Variants in GRM7 observed in about 807,000 individuals in gnomAD.
GRM7 encodes glutamate metabotropic receptor 7, also known as metabotropic glutamate receptor 7.
Under a neutral mutation model 84.5 loss-of-function variants are expected in GRM7, and 35 were observed. That is an observed-to-expected ratio of 0.41 (90% CI 0.32 to 0.55). The LOEUF (loss-of-function observed/expected upper bound fraction) is 0.55, where lower values mean the gene tolerates loss of function less well. GRM7 is among the 20% of genes least tolerant of loss of function. The pLI is 0.19. For synonymous variants in GRM7, 487 were observed against 455.1 expected (o/e 1.07, Z -0.89); for missense variants, 1,003 against 1,194.6 (o/e 0.84, Z 2.36).
intron 9 of GRM7, among the ~76,000 whole-genome samples, chr3:7,724,872 C>T (rs1248232697): frequency 1.3e-5 from 2 of 152,244 alleles, no homozygotes; most frequent in South Asian, 2.1e-4. Context: ...ACTCGATCCT[C>T]CTGCCTCAGC....
chr3:7,424,474 C>T (rs977062929), intron 5 of GRM7, among the ~76,000 whole-genome samples: 5 of 152,078 alleles, frequency 3.3e-5, no homozygotes, highest in African/African-American at 1.2e-4. Flanking sequence ...TCTAGTTGAT[C>T]CCCATATCAG....
intron 1 of GRM7, among the ~76,000 whole-genome samples, chr3:6,988,550 A>G (rs1559369714): frequency 6.6e-6 from 1 of 152,188 alleles, no homozygotes; most frequent in African/African-American, 2.4e-5. Context: ...TGTGAGTATC[A>G]GTGCTTCTCA....
rs145236947 is a variant in GRM7 at position 7,444,849 on chromosome 3, G to C, written c.1175-7758G>C. Among the ~76,000 whole-genome samples the C allele has an allele frequency of 8.1e-4, 123 of 152,292 alleles. 1 individual carries two copies. Among genetic ancestry groups the C allele is most frequent in the African/African-American group, 2.9e-3 (121 of 41,566 alleles). On this transcript the variant is annotated intron_variant, in intron 5 of 9. Coordinates refer to ENST00000357716, the MANE Select transcript of GRM7 (RefSeq NM_000844.4). ...AAGCATCCTAGTTGAAAAATGCTTA[G>C]AAATAATGGGTTTTGGCTAGACAGT...
intron 1 of GRM7, among the ~76,000 whole-genome samples, chr3:6,989,652 A>G (rs1215088127): frequency 6.6e-6 from 1 of 152,184 alleles, no homozygotes; most frequent in Admixed American, 6.5e-5. Context: ...TGATAAACCT[A>G]AGAAGCCAAG....
intron 8 of GRM7, among the ~76,000 whole-genome samples, chr3:7,595,591 G>C (rs1265369707): frequency 6.6e-6 from 1 of 152,124 alleles, no homozygotes; most frequent in Non-Finnish European, 1.5e-5. Context: ...TAAATGCTGT[G>C]ATATGGTGGG....
intron 8 of GRM7, among the ~76,000 whole-genome samples, chr3:7,653,310 G>A (rs1337856483): frequency 6.9e-6 from 1 of 144,494 alleles, no homozygotes; most frequent in Non-Finnish European, 1.5e-5. Context: ...TTTTTTAAAA[G>A]CCTCTCTACT....
chr3:6,942,339 C>T lies in GRM7; in HGVS notation c.519+80432C>T, dbSNP rs751631765. Reference sequence around the variant, plus strand: ...ATAAACTGCATGTAATTAAAATGCACAATATAAGTTTTGACTTATGTGTAA... The same window carrying T: ...ATAAACTGCATGTAATTAAAATGCATAATATAAGTTTTGACTTATGTGTAA... On this transcript the variant is annotated intron_variant, in intron 1 of 9. Transcript: ENST00000357716. 2.6e-5 allele frequency among the ~76,000 whole-genome samples: 4 copies of T among 152,052 alleles called. No individual in the cohort carries two copies. The South Asian group carries it at 8.3e-4, about 31-fold the overall frequency.
chr3:7,010,944 G>C (rs1433457083), intron 1 of GRM7, among the ~76,000 whole-genome samples: 13 of 152,316 alleles, frequency 8.5e-5, no homozygotes, highest in African/African-American at 3.1e-4. Context: ...GTCGGGGGAA[G>C]AGTAGGGACT....
At chr3:7,150,706 A>G (rs1694258954) in intron 2 of GRM7, among the ~76,000 whole-genome samples, 2 of 152,220 alleles carry the variant, frequency 1.3e-5, no homozygotes, top group African/African-American at 2.4e-5. Context: ...ATTGCAGGGA[A>G]GGAAAGAAAA....
At chr3:7,081,875 T>C (rs1302264188) in intron 1 of GRM7, among the ~76,000 whole-genome samples, 1 of 152,070 alleles carries the variant, frequency 6.6e-6, no homozygotes, top group Admixed American at 6.6e-5. Context: ...CAGAAAAAGT[T>C]CCTAATTGTC....
chr3:7,277,226 C>T (rs1482642955), intron 2 of GRM7, among the ~76,000 whole-genome samples: 1 of 151,908 alleles, frequency 6.6e-6, no homozygotes, highest in Non-Finnish European at 1.5e-5. Flanking sequence ...TAAGTTATTT[C>T]TAGACTGTTG....
chr3:7,220,575 G>T (rs1269131040), intron 2 of GRM7, among the ~76,000 whole-genome samples: 1 of 152,118 alleles, frequency 6.6e-6, no homozygotes, highest in Non-Finnish European at 1.5e-5. Flanking sequence ...TTTTCACCTG[G>T]ATGGAAATTG....
At chr3:7,662,390 C>G (rs1699503989) in intron 8 of GRM7, among the ~76,000 whole-genome samples, 1 of 151,878 alleles carries the variant, frequency 6.6e-6, no homozygotes, top group African/African-American at 2.4e-5. Flanking sequence ...ATTGAGCATG[C>G]TTCAACAAAT....
intron 2 of GRM7, among the ~76,000 whole-genome samples, chr3:7,204,663 A>G (rs1037254381): frequency 2.0e-5 from 3 of 152,340 alleles, no homozygotes; most frequent in Admixed American, 2.0e-4. Flanking sequence ...AGACCTGGGT[A>G]AAGTGTTAGA....
At chr3:7,289,879 G>T (rs1699560152) in intron 2 of GRM7, among the ~76,000 whole-genome samples, 1 of 149,518 alleles carries the variant, frequency 6.7e-6, no homozygotes, top group Admixed American at 6.7e-5. Context: ...GAGGGGAGAG[G>T]GATAGCATTA....
At chr3:6,993,262 G>A (rs1223301888) in intron 1 of GRM7, among the ~76,000 whole-genome samples, 1 of 152,152 alleles carries the variant, frequency 6.6e-6, no homozygotes, top group Non-Finnish European at 1.5e-5. Context: ...TCCACAACAT[G>A]TGGGAATTAT....
chr3:7,265,840 A>G (rs1159527324), intron 2 of GRM7, among the ~76,000 whole-genome samples: 2 of 152,152 alleles, frequency 1.3e-5, no homozygotes, highest in East Asian at 1.9e-4. Context: ...GTTTCCACAA[A>G]TGGCCCTGCT....
chr3:7,581,530 G>C (rs3804897), intron 8 of GRM7, among the ~76,000 whole-genome samples: 1 of 151,944 alleles, frequency 6.6e-6, no homozygotes, highest in African/African-American at 2.4e-5. Context: ...AAATACCAGC[G>C]TGTATACATG....
intron 2 of GRM7, among the ~76,000 whole-genome samples, chr3:7,257,785 G>A (rs772524682): frequency 5.9e-5 from 9 of 152,054 alleles, no homozygotes; most frequent in African/African-American, 1.2e-4. Flanking sequence ...ACATGATCTC[G>A]TGAATCTTTC....
Sources: gnomAD v4.1 joint callset for allele counts (sites outside exome capture counted in the v4.1 genomes callset) on GRCh38, gnomAD v4.1.1 for gene constraint, MANE v1.5 for transcripts, NCBI Gene and HGNC (gene_info 2026-07-23, HGNC 2026-07-21) for gene names.